Variants in TENM3 observed in about 807,000 individuals in gnomAD.
TENM3 encodes teneurin transmembrane protein 3, also known as teneurin-3.
TENM3 carries 63 observed loss-of-function variants against 255.1 expected under a neutral mutation model. That is an observed-to-expected ratio of 0.25 (90% CI 0.20 to 0.30). The LOEUF is 0.30. Ranked by LOEUF, TENM3 falls within the 10% of genes least tolerant of loss-of-function variation. The probability of loss-of-function intolerance (pLI) is 1.00; values close to 1 mark genes in which losing one functional copy is unlikely to be tolerated. For synonymous variants in TENM3, 1,306 were observed against 1,322.3 expected, an observed-to-expected ratio of 0.99 and a Z score of 0.27; for missense variants, 2,929 against 3,461.1, an observed-to-expected ratio of 0.85 and a Z score of 3.86.
chr4:181,809,392 G>A, the TENM3 span, among the ~76,000 whole-genome samples: 1 of 152,088 alleles, frequency 6.6e-6, no homozygotes, highest in Non-Finnish European at 1.5e-5. Context: ...ATTTTTTAGA[G>A]CCAATAAGTG....
intron 1 of TENM3, among the ~76,000 whole-genome samples, chr4:182,289,136 G>A (rs1760942462): frequency 6.6e-6 from 1 of 152,198 alleles, no homozygotes; most frequent in East Asian, 1.9e-4. Flanking sequence ...AGGCTGACGT[G>A]GAAGGATCAC....
At chr4:181,651,327 C>T in the TENM3 span, among the ~76,000 whole-genome samples, 842 of 152,186 alleles carry the variant, frequency 5.5e-3, 7 homozygotes, top group African/African-American at 0.019. Flanking sequence ...ATGGCCGGCA[C>T]GGTGGCTCAC....
At chr4:181,804,735 TGTG>T in the TENM3 span, among the ~76,000 whole-genome samples, 1 of 152,070 alleles carries the variant, frequency 6.6e-6, no homozygotes, top group Non-Finnish European at 1.5e-5. Context: ...GGATGCCTGG[TGTG>T]GTGGCAGGCA....
chr4:182,319,327 C>T (rs1332911722), intron 1 of TENM3, among the ~76,000 whole-genome samples: 1 of 152,184 alleles, frequency 6.6e-6, no homozygotes, highest in Non-Finnish European at 1.5e-5. Flanking sequence ...GAAGAGATAA[C>T]ACAGAAAACT....
chr4:182,659,649 C>T (rs1033595854), intron 6 of TENM3, among the ~76,000 whole-genome samples: 59 of 152,142 alleles, frequency 3.9e-4, no homozygotes, highest in African/African-American at 1.4e-3. Flanking sequence ...TCAACTCTGA[C>T]CCCATAATAT....
the TENM3 span, among the ~76,000 whole-genome samples, chr4:181,735,920 C>A: frequency 6.6e-6 from 1 of 152,172 alleles, no homozygotes; most frequent in African/African-American, 2.4e-5. Context: ...CCAGGAGTCC[C>A]AGTTTCTGCT....
intron 3 of TENM3, among the ~76,000 whole-genome samples, chr4:182,405,258 C>T (rs895899031): frequency 2.6e-5 from 4 of 152,218 alleles, no homozygotes; most frequent in South Asian, 2.1e-4. Flanking sequence ...TACAATCTAT[C>T]GCTTCTCCTG....
the TENM3 span, among the ~76,000 whole-genome samples, chr4:181,579,839 A>G: frequency 2.0e-5 from 3 of 152,168 alleles, no homozygotes; most frequent in African/African-American, 7.2e-5. Flanking sequence ...CTTCCTTCAT[A>G]GTAAACCTAC....
intron 1 of TENM3, among the ~76,000 whole-genome samples, chr4:182,175,847 A>C (rs1752452809): frequency 6.6e-6 from 1 of 152,156 alleles, no homozygotes; most frequent in Admixed American, 6.5e-5. Context: ...CATGCGGAAC[A>C]CTGGGATGAT....
At chr4:182,736,533 G>A (rs1323577011) in intron 16 of TENM3, among the ~76,000 whole-genome samples, 1 of 152,152 alleles carries the variant, frequency 6.6e-6, no homozygotes, top group Non-Finnish European at 1.5e-5. Flanking sequence ...ATGACAGGAG[G>A]CTTTTAGGAA....
At chr4:182,410,648 A>G (rs1769919138) in intron 3 of TENM3, among the ~76,000 whole-genome samples, 1 of 152,230 alleles carries the variant, frequency 6.6e-6, no homozygotes, top group Non-Finnish European at 1.5e-5. Context: ...GTGCCACATG[A>G]AAATTAAGAA....
chr4:181,720,897 G>C, the TENM3 span, among the ~76,000 whole-genome samples: 1 of 152,146 alleles, frequency 6.6e-6, no homozygotes, highest in Admixed American at 6.5e-5. Context: ...GCTAGCGAAA[G>C]ATCCATCACT....
chr4:182,623,625 C>A (rs771456744), intron 4 of TENM3, among the ~76,000 whole-genome samples: 1 of 152,024 alleles, frequency 6.6e-6, no homozygotes, highest in Non-Finnish European at 1.5e-5. Context: ...CCACCGCACC[C>A]GGCCTGTTTT....
At chr4:182,569,599 A>G (rs1744164593) in intron 3 of TENM3, among the ~76,000 whole-genome samples, 1 of 152,104 alleles carries the variant, frequency 6.6e-6, no homozygotes, top group African/African-American at 2.4e-5. Flanking sequence ...TAGGGTACCA[A>G]ATTATGTCTT....
the TENM3 span, among the ~76,000 whole-genome samples, chr4:181,509,960 A>G: frequency 0.76 from 115,089 of 152,164 alleles, 43,720 homozygotes; most frequent in South Asian, 0.82. Context: ...CCACAGAACA[A>G]ATGCAAGCAA....
chr4:182,098,279 T>G, the TENM3 span, among the ~76,000 whole-genome samples: 1 of 152,252 alleles, frequency 6.6e-6, no homozygotes, highest in Non-Finnish European at 1.5e-5. Context: ...GGATGGAGGT[T>G]CCTCAAAAAT....
intron 5 of TENM3, among the ~76,000 whole-genome samples, chr4:182,629,122 A>G (rs1273359778): frequency 6.6e-6 from 1 of 152,300 alleles, no homozygotes; most frequent in Admixed American, 6.5e-5. Flanking sequence ...GACAAAAGCT[A>G]TAGGGTACAT....
the TENM3 span, among the ~76,000 whole-genome samples, chr4:181,875,421 A>ATTT: frequency 0.37 from 55,020 of 147,690 alleles, 11,505 homozygotes; most frequent in African/African-American, 0.56. Context: ...TTAGGAACCT[A>ATTT]TTTTTTTTTT....
chr4:182,397,720 C>T lies in TENM3; in HGVS notation c.511+50791C>T, dbSNP rs77974500. Reference sequence around the variant, plus strand: ...AGTGGTTCTCAACCTTCGGTGAGCACGGAATCACCTGGAGGGCGGCTAAAA... The same window carrying T: ...AGTGGTTCTCAACCTTCGGTGAGCATGGAATCACCTGGAGGGCGGCTAAAA... On this transcript the variant is annotated intron_variant, in intron 3 of 27. Transcript: ENST00000511685. Among the ~76,000 whole-genome samples the T allele has an allele frequency of 3.8e-3, 579 of 152,234 alleles. 11 individuals are homozygous for T. The highest frequency in any genetic ancestry group is 3.5e-3 in the East Asian group (18 of 5,168).
Sources: gnomAD v4.1 joint callset for allele counts (sites outside exome capture counted in the v4.1 genomes callset) on GRCh38, gnomAD v4.1.1 for gene constraint, MANE v1.5 for transcripts, NCBI Gene and HGNC (gene_info 2026-07-23, HGNC 2026-07-21) for gene names.